USP37: variants seen among roughly 807,000 people sequenced by gnomAD.
USP37 encodes the protein ubiquitin carboxyl-terminal hydrolase 37.
A neutral mutation model predicts 124.0 loss-of-function variants in USP37; 27 were observed. That is an observed-to-expected ratio of 0.22 (90% CI 0.16 to 0.30). USP37 has a LOEUF of 0.30. Among genes scored for constraint, USP37 ranks in the 10% least tolerant of loss-of-function variants. USP37 has a pLI of 1.00. For missense variants in USP37, 889 were observed against 1,140.4 expected (o/e 0.78, Z 3.17); for synonymous variants, 365 against 388.0 (o/e 0.94, Z 0.70).
intron 4 of USP37, among the ~76,000 whole-genome samples, chr2:218,554,635 T>G (rs1392376977): frequency 6.6e-6 from 1 of 151,630 alleles, no homozygotes; most frequent in Non-Finnish European, 1.5e-5. Context: ...TAGTCCCAAC[T>G]ACTCGGGAGG....
chr2:218,475,117 C>G (rs1690897711), intron 19 of USP37, among the ~76,000 whole-genome samples: 1 of 151,782 alleles, frequency 6.6e-6, no homozygotes, highest in Admixed American at 6.6e-5. Context: ...ATATTTTGTA[C>G]AAATTTGGAG....
rs61752209 is a variant in USP37 at position 218,476,895 on chromosome 2, C to G, written c.1988G>C (p.Ser663Thr). 0.019 allele frequency: 31,064 copies of G among 1,610,100 alleles called. 352 individuals carry two copies. Among genetic ancestry groups the G allele is most frequent in the Non-Finnish European group, 0.022 (26,394 of 1,178,360 alleles). The change falls in exon 19 of 26, where the codon AGC (serine) becomes ACC (threonine). Residue 663 changes from serine (S) to threonine (T), a missense_variant. By Grantham distance (58) the Ser-to-Thr change is moderately conservative. Transcript: ENST00000258399. ...GCCTAACATTTCACAAAGTCTCTGG[C>G]TGAGGGCCACAGAACGTTTTAGCTC... is the stretch of plus-strand genomic sequence containing the variant. Reference protein sequence around the residue: ...EDELKRSVALSQRLCEMLGNE... With the variant: ...EDELKRSVALTQRLCEMLGNE...
At chr2:218,469,845 G>A in intron 20 of USP37, among the ~76,000 whole-genome samples, 1 of 109,696 alleles carries the variant, frequency 9.1e-6, no homozygotes, top group Admixed American at 1.3e-4. Flanking sequence ...TTTTGAGACA[G>A]AGTCTTGCTC....
chr2:218,465,535 C>T (rs1174680156), intron 21 of USP37, among the ~76,000 whole-genome samples: 1 of 152,208 alleles, frequency 6.6e-6, no homozygotes, highest in Non-Finnish European at 1.5e-5. Context: ...AGGTAACCAA[C>T]AATACATTTT....
rs1689663065 is a variant in USP37 at position 218,455,733 on chromosome 2, A to T, written c.2714-15T>A. 6.2e-7 allele frequency: 1 copy of T among 1,610,702 alleles called. No individual in the cohort carries two copies. Among genetic ancestry groups the T allele is most frequent in the African/African-American group, 1.3e-5 (1 of 74,790 alleles). On this transcript the variant is annotated splice_polypyrimidine_tract_variant and intron_variant, in intron 24 of 25. Transcript: ENST00000258399. ...AATGTAATGACCTGAAACAAATAAC[A>T]TCTTAAAATCAAGGTTTTTAAAAAC...
chr2:218,530,039 C>G lies in USP37; in HGVS notation c.780G>C (p.Gly260=). 1 of 1,591,338 alleles carries G rather than the reference C, an allele frequency of 6.3e-7. No individual in the cohort carries two copies. The highest frequency in any genetic ancestry group is 8.5e-7 in the Non-Finnish European group (1 of 1,174,004). ...LKQSEENRTS[G]LLPLQSSSFY... ...AGGATGATGACTGTAAAGGTAAAAG[C>G]CCTATAAAACAAATGAACAAAGGAA... Residue 260 remains glycine (G), a splice_region_variant and synonymous_variant, in exon 10 of 26, where the codon GGG becomes GGC. Coordinates refer to ENST00000258399, the MANE Select transcript of USP37 (RefSeq NM_020935.3).
chr2:218,513,922 A>G (rs1690138112), intron 10 of USP37, among the ~76,000 whole-genome samples: 1 of 151,892 alleles, frequency 6.6e-6, no homozygotes, highest in Non-Finnish European at 1.5e-5. Flanking sequence ...AGATCCTCCC[A>G]TCTCAGCCTC....
chr2:218,495,001 C>A (rs1688997198), intron 14 of USP37, among the ~76,000 whole-genome samples: 1 of 149,178 alleles, frequency 6.7e-6, no homozygotes, highest in African/African-American at 2.5e-5. Flanking sequence ...ACAAGTATTC[C>A]CAAACAAATC....
At chr2:218,484,211 G>A (rs1027406923) in intron 16 of USP37, among the ~76,000 whole-genome samples, 2 of 152,096 alleles carry the variant, frequency 1.3e-5, no homozygotes, top group African/African-American at 4.8e-5. Context: ...TCACCATGTT[G>A]CCCAGGCTGG....
intron 10 of USP37, chr2:218,528,218 A>T (rs1394608757): frequency 1.3e-5 from 2 of 152,136 alleles, no homozygotes; most frequent in East Asian, 3.9e-4. Context: ...ACAAACAAAC[A>T]TATGACTTAA....
intron 8 of USP37, among the ~76,000 whole-genome samples, chr2:218,544,954 C>T (rs1692240204): frequency 6.6e-6 from 1 of 152,102 alleles, no homozygotes; most frequent in South Asian, 2.1e-4. Flanking sequence ...GTCCAAGGTA[C>T]ATTTAGACCT....
chr2:218,459,828 T>C lies in USP37; in HGVS notation c.2605A>G (p.Thr869Ala), dbSNP rs563821163. 1 of 1,613,982 alleles carries C rather than the reference T, an allele frequency of 6.2e-7. No individual in the cohort carries two copies. Among genetic ancestry groups the C allele is most frequent in the Non-Finnish European group, 8.5e-7 (1 of 1,179,928 alleles). ...TTCAGTTCCTCAGCTTCAGCTTCTGTGTACTCCATATCAAAAACATCCTCA... is the reference window on the plus strand; with the variant it reads ...TTCAGTTCCTCAGCTTCAGCTTCTGCGTACTCCATATCAAAAACATCCTCA... ...GNEDVFDMEY[T>A]EAEAEELKRN... The change falls in exon 23 of 26, where the codon ACA becomes GCA. Residue 869 changes from threonine (T) to alanine (A), a missense_variant. By Grantham distance (58) the Thr-to-Ala change is moderately conservative (BLOSUM62 0). Coordinates refer to ENST00000258399, the MANE Select transcript of USP37 (RefSeq NM_020935.3).
At chr2:218,556,515 T>TTG (rs1559229590) in intron 4 of USP37, among the ~76,000 whole-genome samples, 5 of 133,702 alleles carry the variant, frequency 3.7e-5, no homozygotes, top group Admixed American at 1.5e-4. Flanking sequence ...TTTTTTTTTT[T>TTG]TTTTTTTTTT....
In USP37 at chr2:218,481,936, G is replaced by A. The variant is rs555228388; in HGVS notation, c.1835+134C>T. On this transcript the variant is annotated intron_variant, in intron 17 of 25. Transcript: ENST00000258399. Reference sequence around the variant, plus strand: ...CCCAAAGTGCTGGGATTACAGGCATGAGCCACTGCATCTGGCCATTGATCT... The same window carrying A: ...CCCAAAGTGCTGGGATTACAGGCATAAGCCACTGCATCTGGCCATTGATCT... 21 of 1,064,534 alleles carry A rather than the reference G, an allele frequency of 2.0e-5. No individual in the cohort carries two copies. The East Asian group carries it at 4.3e-4, about 22-fold the overall frequency. 65.9% of individuals were successfully genotyped at this position (1,064,534 alleles called of 1,614,324 possible).
intron 1 of USP37, among the ~76,000 whole-genome samples, chr2:218,563,390 T>C (rs1249833785): frequency 2.0e-5 from 3 of 152,230 alleles, no homozygotes; most frequent in African/African-American, 4.8e-5. Flanking sequence ...TATTCATTCT[T>C]GCTACATTTT....
At chr2:218,548,061 C>A (rs10205073) in intron 6 of USP37, among the ~76,000 whole-genome samples, 45,358 of 151,992 alleles carry the variant, frequency 0.3, 7,868 homozygotes, top group Non-Finnish European at 0.39. Context: ...TGAATGAATA[C>A]TTTAAAAAGT....
At chr2:218,457,008 C>A in intron 24 of USP37, 84 bp downstream of exon 24, 1 of 1,340,020 alleles carries the variant, frequency 7.5e-7, no homozygotes, top group Non-Finnish European at 1.0e-6. Context: ...ACACACTTCA[C>A]AAAGCTAGGC....
intron 20 of USP37, among the ~76,000 whole-genome samples, chr2:218,471,479 T>G (rs1365352872): frequency 6.6e-6 from 1 of 152,234 alleles, no homozygotes; most frequent in African/African-American, 2.4e-5. Context: ...TGTATTACTA[T>G]AGCCTCACAA....
At chr2:218,532,601 A>T (rs993520122) in intron 9 of USP37, among the ~76,000 whole-genome samples, 3 of 152,114 alleles carry the variant, frequency 2.0e-5, no homozygotes, top group Non-Finnish European at 4.4e-5. Flanking sequence ...GAAGGTTCAG[A>T]TGATTGTTAG....
Sources: allele counts gnomAD v4.1 joint callset (sites outside exome capture counted in the v4.1 genomes callset), GRCh38; gene constraint gnomAD v4.1.1; transcripts MANE v1.5; gene names NCBI Gene and HGNC (gene_info 2026-07-23, HGNC 2026-07-21).